Variants in ARHGEF10 observed in about 807,000 individuals in gnomAD.
ARHGEF10 encodes the protein Rho guanine nucleotide exchange factor (GEF) 10.
ARHGEF10 carries 140 observed loss-of-function variants against 147.4 expected under a neutral mutation model. The ratio of observed to expected loss-of-function variants is 0.95; its 90% confidence interval spans 0.83 to 1.09. The LOEUF is 1.09. Among genes scored for constraint, ARHGEF10 ranks in the 50% least tolerant of loss-of-function variants. The pLI is 0.00. For missense variants in ARHGEF10, 2,222 were observed against 1,752.7 expected, an observed-to-expected ratio of 1.27 and a Z score of -4.78; for synonymous variants, 902 against 695.8, an observed-to-expected ratio of 1.30 and a Z score of -4.67.
chr8:1,863,490 C>G (rs1188216904), intron 4 of ARHGEF10, among the ~76,000 whole-genome samples: 2 of 152,216 alleles, frequency 1.3e-5, no homozygotes, highest in Non-Finnish European at 2.9e-5. Flanking sequence ...TGGACAGCTG[C>G]CAGTGTGGCG....
At chr8:1,866,397 A>G (rs887978566) in intron 5 of ARHGEF10, 129 bp from the exon 6 acceptor site, 2 of 804,956 alleles carry the variant, frequency 2.5e-6, no homozygotes, top group African/African-American at 3.6e-5. Flanking sequence ...GATTTCCTGT[A>G]TAGTAACATA....
At chr8:1,952,978 T>C in intron 28 of ARHGEF10, 151 bp downstream of exon 28, 1 of 1,157,688 alleles carries the variant, frequency 8.6e-7, no homozygotes, top group Non-Finnish European at 1.2e-6. Flanking sequence ...TAATAGACTG[T>C]TTAATTGGAA....
intron 17 of ARHGEF10, 27 bp downstream of exon 17, chr8:1,905,743 T>C (rs767181861): frequency 6.2e-7 from 1 of 1,611,340 alleles, no homozygotes; most frequent in Non-Finnish European, 8.5e-7. Context: ...TCTATAGTAG[T>C]CCTACCATCA....
At chr8:1,954,939 C>G (rs1456494457) in intron 28 of ARHGEF10, among the ~76,000 whole-genome samples, 2 of 152,000 alleles carry the variant, frequency 1.3e-5, no homozygotes, top group East Asian at 1.9e-4. Context: ...CTCATTGCCT[C>G]TGGATGGATA....
intron 2 of ARHGEF10, among the ~76,000 whole-genome samples, chr8:1,848,884 A>G (rs755631733): frequency 1.3e-5 from 2 of 152,130 alleles, no homozygotes; most frequent in Admixed American, 6.6e-5. Flanking sequence ...TGACAAACCT[A>G]GGCAGCACTT....
intron 27 of ARHGEF10, among the ~76,000 whole-genome samples, chr8:1,946,239 G>A (rs1442061328): frequency 2.6e-5 from 4 of 152,198 alleles, no homozygotes; most frequent in African/African-American, 4.8e-5. Flanking sequence ...GGAGGCCGCT[G>A]TGGGGTCCGT....
upstream of ARHGEF10, among the ~76,000 whole-genome samples, chr8:1,823,737 C>T (rs891327531): frequency 6.6e-6 from 1 of 151,824 alleles, no homozygotes; most frequent in African/African-American, 2.4e-5. Context: ...CCCTCCCACG[C>T]GTGCGCAGCC....
chr8:1,861,150 C>G (rs1397919349), intron 4 of ARHGEF10, among the ~76,000 whole-genome samples: 1 of 152,256 alleles, frequency 6.6e-6, no homozygotes, highest in African/African-American at 2.4e-5. Flanking sequence ...CATTTCGAGT[C>G]TGCTTCCTCC....
chr8:1,828,451 A>C (rs1028685039), intron 1 of ARHGEF10, among the ~76,000 whole-genome samples: 7 of 148,198 alleles, frequency 4.7e-5, no homozygotes, highest in East Asian at 2.0e-4. Context: ...ATGCACACTT[A>C]CTGTTTTAAG....
rs1806406976 is a variant in ARHGEF10 at position 1,864,399 on chromosome 8, C to T, written c.508C>T (p.Gln170Ter). 1 of 1,614,018 alleles carries T rather than the reference C, an allele frequency of 6.2e-7. No individual in the cohort carries two copies. Among genetic ancestry groups the T allele is most frequent in the Admixed American group, 1.7e-5 (1 of 59,994 alleles). ...EETPEVTEDR[Q>*]PNSLSSEEPP... is the part of the protein sequence containing the mutation. ...AACACCAGAAGTCACAGAAGATCGCCAGCCCAATTCTCTGAGTTCCGAGGA... is the reference window on the plus strand; with the variant it reads ...AACACCAGAAGTCACAGAAGATCGCTAGCCCAATTCTCTGAGTTCCGAGGA... The change falls in exon 5 of 29, where the codon CAG becomes TAG. Residue 170 changes from glutamine (Q) to a stop codon, truncating the protein, a stop_gained. Coordinates refer to ENST00000349830, the MANE Select transcript of ARHGEF10 (RefSeq NM_014629.4). LOFTEE classifies it high-confidence loss of function.
intron 11 of ARHGEF10, among the ~76,000 whole-genome samples, chr8:1,892,377 A>C (rs1809612486): frequency 6.7e-6 from 1 of 148,190 alleles, no homozygotes; most frequent in Admixed American, 6.8e-5. Flanking sequence ...TATTTTTTTA[A>C]TACATCAGTT....
At chr8:1,918,826 T>C (rs569671236) in intron 18 of ARHGEF10, among the ~76,000 whole-genome samples, 1 of 152,218 alleles carries the variant, frequency 6.6e-6, no homozygotes, top group Admixed American at 6.5e-5. Flanking sequence ...CTGTGGGTGA[T>C]GGAGCTGTTC....
chr8:1,861,473 G>T (rs1032163805), intron 4 of ARHGEF10, among the ~76,000 whole-genome samples: 3 of 152,216 alleles, frequency 2.0e-5, no homozygotes, highest in Non-Finnish European at 4.4e-5. Flanking sequence ...GCCCAGATCT[G>T]TTTCTATGCT....
chr8:1,923,205 GT>G, intron 19 of ARHGEF10, 126 bp downstream of exon 19: 1 of 907,228 alleles, frequency 1.1e-6, no homozygotes, highest in South Asian at 1.6e-5. Flanking sequence ...TAATCTGAAT[GT>G]ACATTTTCTC....
chr8:1,956,371 T>C (rs1028688011), intron 28 of ARHGEF10, among the ~76,000 whole-genome samples: 4 of 152,200 alleles, frequency 2.6e-5, no homozygotes, highest in African/African-American at 9.7e-5. Flanking sequence ...GGCGTTAATA[T>C]TTCTAATCAA....
At chr8:1,869,631 A>G in intron 7 of ARHGEF10, 2 of 340,952 alleles carry the variant, frequency 5.9e-6, no homozygotes, top group South Asian at 5.6e-5. Context: ...AGAATTCTCT[A>G]CAATTAAAGA....
intron 18 of ARHGEF10, among the ~76,000 whole-genome samples, chr8:1,913,117 G>T (rs564348163): frequency 6.6e-6 from 1 of 151,946 alleles, no homozygotes; most frequent in South Asian, 2.1e-4. Flanking sequence ...TCGAGGTCTG[G>T]TACTAAGTAG....
chr8:1,827,416 C>T (rs953317953), intron 1 of ARHGEF10, among the ~76,000 whole-genome samples: 3 of 152,164 alleles, frequency 2.0e-5, no homozygotes, highest in African/African-American at 7.2e-5. Flanking sequence ...TCAAGCAATT[C>T]TCCTGCCTCT....
At chr8:1,921,649 C>A (rs546044736) in intron 18 of ARHGEF10, among the ~76,000 whole-genome samples, 1 of 152,022 alleles carries the variant, frequency 6.6e-6, no homozygotes, top group Non-Finnish European at 1.5e-5. Context: ...GCAGGAGAAT[C>A]GTTTGAACCC....
Sources: gnomAD v4.1 joint callset for allele counts (sites outside exome capture counted in the v4.1 genomes callset) on GRCh38, gnomAD v4.1.1 for gene constraint, MANE v1.5 for transcripts, NCBI Gene and HGNC (gene_info 2026-07-23, HGNC 2026-07-21) for gene names.